Variants in SPATS2L observed in about 807,000 individuals in gnomAD.
The protein encoded by SPATS2L is SPATS2-like protein.
In SPATS2L, 30 loss-of-function variants were observed where a neutral mutation model predicts 59.6. That is an observed-to-expected ratio of 0.50 (90% confidence interval 0.38 to 0.68). The LOEUF (loss-of-function observed/expected upper bound fraction) is 0.68, where lower values mean the gene tolerates loss of function less well. Ranked by LOEUF, SPATS2L falls within the 30% of genes least tolerant of loss-of-function variation. The pLI is 0.00. For missense variants in SPATS2L, 615 were observed against 700.0 expected (o/e 0.88, Z 1.37); for synonymous variants, 252 against 263.5 (o/e 0.96, Z 0.42).
At chr2:200,389,598 A>G in intron 3 of SPATS2L, 1 of 265,926 alleles carries the variant, frequency 3.8e-6, no homozygotes, top group South Asian at 5.7e-5. Context: ...CGTAGCTGGT[A>G]AACAGCAGAG....
At chr2:200,444,105 T>C (rs2084877730) in intron 8 of SPATS2L, among the ~76,000 whole-genome samples, 1 of 152,212 alleles carries the variant, frequency 6.6e-6, no homozygotes, top group South Asian at 2.1e-4. Flanking sequence ...AGCATCTGTG[T>C]GAAAAGTCAC....
chr2:200,470,496 T>G (rs998275322), intron 11 of SPATS2L, among the ~76,000 whole-genome samples: 16 of 152,200 alleles, frequency 1.1e-4, no homozygotes, highest in Admixed American at 1.0e-3. Context: ...AATGAAAGAC[T>G]TCACTCAGCC....
At chr2:200,458,541 T>C (rs558845491) in intron 8 of SPATS2L, among the ~76,000 whole-genome samples, 1 of 152,302 alleles carries the variant, frequency 6.6e-6, no homozygotes, top group East Asian at 1.9e-4. Context: ...AATAACACCA[T>C]GGAGATGTAA....
At chr2:200,396,767 T>C (rs770605340) in intron 3 of SPATS2L, among the ~76,000 whole-genome samples, 23 of 152,194 alleles carry the variant, frequency 1.5e-4, no homozygotes, top group Non-Finnish European at 2.2e-4. Context: ...GGGGAAAAAT[T>C]TGCAGGAGTG....
At chr2:200,425,204 C>A (rs772000700) in intron 6 of SPATS2L, among the ~76,000 whole-genome samples, 2 of 140,736 alleles carry the variant, frequency 1.4e-5, no homozygotes, top group Non-Finnish European at 3.0e-5. Flanking sequence ...TTCACAGTAT[C>A]ATTGTGGTAG....
chr2:200,439,590 C>T (rs2084548035), intron 7 of SPATS2L, among the ~76,000 whole-genome samples: 1 of 152,202 alleles, frequency 6.6e-6, no homozygotes, highest in Non-Finnish European at 1.5e-5. Context: ...GATAAACTTA[C>T]ACCACAAGTA....
chr2:200,444,271 TC>T (rs1353790233), intron 8 of SPATS2L, among the ~76,000 whole-genome samples: 1 of 152,206 alleles, frequency 6.6e-6, no homozygotes, highest in Non-Finnish European at 1.5e-5. Flanking sequence ...TGTCTGTGTG[TC>T]CAAGTTGATT....
At position 200,472,888 on chromosome 2, in the gene SPATS2L, C is replaced by G; in HGVS notation, c.1117C>G (p.Leu373Val). Residue 373 changes from leucine to valine, a missense_variant, in exon 12 of 13, where the codon CTG (leucine) becomes GTG (valine). Physicochemically the swap from Leu to Val is conservative, Grantham distance 32. Transcript: ENST00000409140. Reference sequence around the variant, plus strand: ...AACTCCCTGCAGCTCCCTGCTGCCTCTGCTGAATGCGCACGCAGCAACCTC... The same window carrying G: ...AACTCCCTGCAGCTCCCTGCTGCCTGTGCTGAATGCGCACGCAGCAACCTC... Reference protein sequence around the residue: ...SRTPCSSLLPLLNAHAATSGK... With the variant: ...SRTPCSSLLPVLNAHAATSGK... The G allele has an allele frequency of 6.2e-7, 1 of 1,613,984 alleles. No homozygotes were observed. Among genetic ancestry groups the G allele is most frequent in the Non-Finnish European group, 8.5e-7 (1 of 1,179,900 alleles).
chr2:200,313,595 A>G (rs1408496870), intron 1 of SPATS2L, among the ~76,000 whole-genome samples: 7 of 152,118 alleles, frequency 4.6e-5, no homozygotes, highest in Admixed American at 3.3e-4. Flanking sequence ...ACATATAAAC[A>G]TGCATAAGTC....
intron 6 of SPATS2L, among the ~76,000 whole-genome samples, chr2:200,435,619 A>G (rs1470991424): frequency 6.6e-6 from 1 of 152,206 alleles, no homozygotes; most frequent in Non-Finnish European, 1.5e-5. Flanking sequence ...ACATACAGTA[A>G]TGATGAACAA....
At chr2:200,395,429 A>C (rs1002889598) in intron 3 of SPATS2L, among the ~76,000 whole-genome samples, 5 of 152,214 alleles carry the variant, frequency 3.3e-5, no homozygotes, top group Admixed American at 2.0e-4. Context: ...GACCCAGTAC[A>C]CTTGGGAAGT....
intron 2 of SPATS2L, among the ~76,000 whole-genome samples, chr2:200,371,075 C>T (rs903782403): frequency 1.3e-5 from 2 of 151,986 alleles, no homozygotes; most frequent in African/African-American, 4.8e-5. Flanking sequence ...ATTGTCGGCT[C>T]ATTATGATCA....
intron 1 of SPATS2L, among the ~76,000 whole-genome samples, chr2:200,318,557 T>C (rs7562737): frequency 8.1e-4 from 124 of 152,346 alleles, no homozygotes; most frequent in African/African-American, 2.9e-3. Flanking sequence ...TTGCAGTGGA[T>C]GATATCAACT....
At chr2:200,356,456 A>G (rs1208108271) in intron 2 of SPATS2L, among the ~76,000 whole-genome samples, 1 of 152,202 alleles carries the variant, frequency 6.6e-6, no homozygotes, top group African/African-American at 2.4e-5. Context: ...AGAAAAAAAC[A>G]TGTGTTAAGA....
intron 8 of SPATS2L, among the ~76,000 whole-genome samples, chr2:200,456,281 C>G (rs1421331844): frequency 1.3e-5 from 2 of 152,132 alleles, no homozygotes; most frequent in African/African-American, 2.4e-5. Flanking sequence ...AAGCAGCCAC[C>G]CATAGATAGC....
intron 2 of SPATS2L, among the ~76,000 whole-genome samples, chr2:200,344,754 T>C (rs1174926439): frequency 1.3e-5 from 2 of 152,234 alleles, no homozygotes; most frequent in East Asian, 3.8e-4. Context: ...TTTTTAATAA[T>C]AGCCATTCTG....
At chr2:200,447,674 A>G (rs1276012639) in intron 8 of SPATS2L, among the ~76,000 whole-genome samples, 5 of 152,200 alleles carry the variant, frequency 3.3e-5, no homozygotes, top group Admixed American at 2.6e-4. Context: ...AAACACTCCT[A>G]GTGTACACTG....
intron 2 of SPATS2L, among the ~76,000 whole-genome samples, chr2:200,333,706 A>T (rs936171157): frequency 2.6e-5 from 4 of 151,800 alleles, no homozygotes; most frequent in Non-Finnish European, 5.9e-5. Context: ...CCTGTGTCCA[A>T]GTGTTCTCAT....
At chr2:200,424,517 T>C (rs1450581190) in intron 6 of SPATS2L, among the ~76,000 whole-genome samples, 9 of 151,914 alleles carry the variant, frequency 5.9e-5, no homozygotes. Context: ...ACAAAATTAT[T>C]TTACTAAAAG....
Sources: gnomAD v4.1 joint callset for allele counts (sites outside exome capture counted in the v4.1 genomes callset) on GRCh38, gnomAD v4.1.1 for gene constraint, MANE v1.5 for transcripts, NCBI Gene and HGNC (gene_info 2026-07-23, HGNC 2026-07-21) for gene names.